Variants in FRMD4B observed in about 807,000 individuals in gnomAD.
FRMD4B encodes FERM domain containing 4B.
A neutral mutation model predicts 141.5 loss-of-function variants in FRMD4B; 74 were observed. That is an observed-to-expected ratio of 0.52 (90% confidence interval 0.43 to 0.63). The LOEUF (loss-of-function observed/expected upper bound fraction) is 0.63. Among genes scored for constraint, FRMD4B ranks in the 30% least tolerant of loss-of-function variants. FRMD4B has a pLI of 0.00. For missense variants in FRMD4B, 1,366 were observed against 1,253.4 expected, an observed-to-expected ratio of 1.09 and a Z score of -1.36; for synonymous variants, 506 against 467.9, an observed-to-expected ratio of 1.08 and a Z score of -1.05.
chr3:69,359,631 C>G (rs907148943), intron 1 of FRMD4B, among the ~76,000 whole-genome samples: 1 of 151,992 alleles, frequency 6.6e-6, no homozygotes, highest in Non-Finnish European at 1.5e-5. Context: ...TTGTGCTCGG[C>G]GAATTTTCTT....
chr3:69,501,157 T>C (rs1706489496), intron 1 of FRMD4B, among the ~76,000 whole-genome samples: 1 of 151,996 alleles, frequency 6.6e-6, no homozygotes, highest in African/African-American at 2.4e-5. Flanking sequence ...TGGCCCAGGA[T>C]GGCTTTGAAT....
intron 4 of FRMD4B, among the ~76,000 whole-genome samples, chr3:69,301,798 A>G (rs1229387238): frequency 6.6e-6 from 1 of 152,234 alleles, no homozygotes; most frequent in Non-Finnish European, 1.5e-5. Context: ...AGGACTCTGC[A>G]TTATTTTCAG....
chr3:69,507,776 G>C (rs1257497770), intron 1 of FRMD4B, among the ~76,000 whole-genome samples: 2 of 152,146 alleles, frequency 1.3e-5, no homozygotes, highest in Non-Finnish European at 2.9e-5. Context: ...TCCAGAGACA[G>C]AGAAGAATTT....
intron 2 of FRMD4B, 116 bp downstream of exon 2, chr3:69,313,336 A>T (rs1227281638): frequency 1.1e-5 from 8 of 734,796 alleles, no homozygotes; most frequent in Non-Finnish European, 2.0e-5. Flanking sequence ...GATAACAGAG[A>T]AGCCTGAATA....
chr3:69,340,593 C>T (rs577387349), intron 1 of FRMD4B, among the ~76,000 whole-genome samples: 15 of 152,320 alleles, frequency 9.8e-5, no homozygotes, highest in African/African-American at 3.4e-4. Context: ...AGATGCTTTG[C>T]TAGTGTCACC....
chr3:69,311,504 T>A, intron 2 of FRMD4B, 147 bp from the exon 3 acceptor site: 2 of 545,178 alleles, frequency 3.7e-6, no homozygotes, highest in Non-Finnish European at 6.7e-6. Flanking sequence ...TAGGTTGATG[T>A]ACTATAGACA....
At chr3:69,380,355 A>G (rs543276652) in intron 1 of FRMD4B, among the ~76,000 whole-genome samples, 32 of 152,304 alleles carry the variant, frequency 2.1e-4, no homozygotes, top group African/African-American at 7.2e-4. Flanking sequence ...AGGTGAGACT[A>G]GAGGAACTAG....
intron 19 of FRMD4B, among the ~76,000 whole-genome samples, chr3:69,186,585 G>A (rs575541782): frequency 3.3e-5 from 5 of 152,278 alleles, no homozygotes; most frequent in Admixed American, 3.3e-4. Flanking sequence ...GATGGCGCGT[G>A]CCTGTAATTC....
rs541249782 is a variant in FRMD4B at position 69,257,479 on chromosome 3, C to T, written c.502-7380G>A. 8.1e-4 allele frequency among the ~76,000 whole-genome samples: 123 copies of T among 152,292 alleles called. 1 individual carries two copies. Among genetic ancestry groups the T allele is most frequent in the African/African-American group, 2.8e-3 (117 of 41,562 alleles). On this transcript the variant is annotated intron_variant, in intron 5 of 22. Coordinates refer to ENST00000398540, the MANE Select transcript of FRMD4B (RefSeq NM_015123.3). The stretch of plus-strand genomic sequence containing the variant: ...GAGTTATGTAAGTGATTGTAACTCC[C>T]TCTTTACTGTGGCTCTTAAGAGAAG...
At chr3:69,474,202 T>C (rs574784170) in intron 1 of FRMD4B, among the ~76,000 whole-genome samples, 1 of 152,300 alleles carries the variant, frequency 6.6e-6, no homozygotes, top group Admixed American at 6.5e-5. Context: ...AAACCTGTTT[T>C]AGCAAACCAA....
intron 1 of FRMD4B, among the ~76,000 whole-genome samples, chr3:69,512,448 T>C (rs1414224323): frequency 2.0e-5 from 3 of 152,138 alleles, no homozygotes; most frequent in African/African-American, 7.2e-5. Flanking sequence ...GAAAATACAA[T>C]GGTTTAATTG....
chr3:69,474,386 G>A (rs930418372), intron 1 of FRMD4B, among the ~76,000 whole-genome samples: 1 of 152,132 alleles, frequency 6.6e-6, no homozygotes, highest in African/African-American at 2.4e-5. Context: ...ATCTGATGAC[G>A]CTGAGTTAAG....
chr3:69,257,753 C>T (rs1474710276), intron 5 of FRMD4B, among the ~76,000 whole-genome samples: 1 of 152,018 alleles, frequency 6.6e-6, no homozygotes, highest in Non-Finnish European at 1.5e-5. Flanking sequence ...TCTCGACTTC[C>T]CAGGCTCAAG....
intron 2 of FRMD4B, among the ~76,000 whole-genome samples, chr3:69,427,765 C>T (rs1705111730): frequency 6.8e-6 from 1 of 146,498 alleles, no homozygotes. Context: ...AAGCAATTCT[C>T]CTGCCTCAGC....
At chr3:69,229,963 C>T (rs931279994) in intron 7 of FRMD4B, among the ~76,000 whole-genome samples, 3 of 151,750 alleles carry the variant, frequency 2.0e-5, no homozygotes, top group South Asian at 2.1e-4. Context: ...AGACCGCACC[C>T]GGCCAGACTA....
chr3:69,468,244 TC>T (rs1705826993), intron 1 of FRMD4B, among the ~76,000 whole-genome samples: 1 of 151,992 alleles, frequency 6.6e-6, no homozygotes, highest in Non-Finnish European at 1.5e-5. Flanking sequence ...CTCCCAACAA[TC>T]ATCAATTCAT....
At chr3:69,297,899 C>T (rs1213339133) in intron 4 of FRMD4B, among the ~76,000 whole-genome samples, 1 of 137,922 alleles carries the variant, frequency 7.3e-6, no homozygotes, top group East Asian at 2.1e-4. Flanking sequence ...TTTAGCACAC[C>T]TCTTTGAGAT....
chr3:69,415,581 T>C (rs1209956770), intron 2 of FRMD4B, among the ~76,000 whole-genome samples: 1 of 152,164 alleles, frequency 6.6e-6, no homozygotes, highest in Admixed American at 6.5e-5. Flanking sequence ...TGCTACTCAG[T>C]CTTCAACTCT....
At chr3:69,480,060 G>C (rs1366623304) in intron 1 of FRMD4B, among the ~76,000 whole-genome samples, 2 of 152,178 alleles carry the variant, frequency 1.3e-5, no homozygotes, top group East Asian at 3.9e-4. Context: ...AGGTCCATCA[G>C]CTCCTTTAAG....
Sources: allele counts gnomAD v4.1 joint callset (sites outside exome capture counted in the v4.1 genomes callset), GRCh38; gene constraint gnomAD v4.1.1; transcripts MANE v1.5; gene names NCBI Gene and HGNC (gene_info 2026-07-23, HGNC 2026-07-21).